ZER1: variants seen among roughly 807,000 people sequenced by gnomAD.
ZER1 encodes the protein zyg-11 related cell cycle regulator.
Under a neutral mutation model 78.8 loss-of-function variants are expected in ZER1, and 11 were observed. The ratio of observed to expected loss-of-function variants is 0.14; its 90% CI spans 0.09 to 0.23. The LOEUF (loss-of-function observed/expected upper bound fraction) is 0.23, where lower values mean the gene tolerates loss of function less well. Ranked by LOEUF, ZER1 falls within the 10% of genes least tolerant of loss-of-function variation. ZER1 has a pLI of 1.00. For synonymous variants in ZER1, 400 were observed against 407.0 expected (o/e 0.98, Z 0.21); for missense variants, 588 against 996.9 (o/e 0.59, Z 5.52).
chr9:128,761,536 C>CT (rs1343169234), intron 1 of ZER1, among the ~76,000 whole-genome samples: 154 of 1,616 alleles, frequency 0.095, no homozygotes, highest in South Asian at 0.17. Context: ...ATCCACCCGC[C>CT]TCGCCTCCCA....
chr9:128,738,848 ATTTT>A (rs71381801), intron 13 of ZER1, among the ~76,000 whole-genome samples: 8 of 58,514 alleles, frequency 1.4e-4, no homozygotes, highest in Non-Finnish European at 2.0e-4. Flanking sequence ...CACCCAGCTC[ATTTT>A]TTTTTTTTTT....
At chr9:128,742,776 A>G in intron 8 of ZER1, 31 bp from the exon 9 acceptor site, 1 of 1,569,116 alleles carries the variant, frequency 6.4e-7, no homozygotes, top group Non-Finnish European at 8.6e-7. Flanking sequence ...AGTGGGGCAC[A>G]TTCAGGGTCA....
rs546627926 is a variant in ZER1 at position 128,756,925 on chromosome 9, T to A, written c.-94-1266A>T. On this transcript the variant is annotated intron_variant, in intron 1 of 15. Coordinates refer to ENST00000291900, the MANE Select transcript of ZER1 (RefSeq NM_006336.4). ...AACTGTTATTTAAAAAAGTGAAGTC[T>A]CCTACTAGCTTCATGACTTTAGCAC... Among the ~76,000 whole-genome samples the A allele has an allele frequency of 4.6e-5, 7 of 152,306 alleles. No individual in the cohort carries two copies. In the South Asian group the frequency reaches 1.4e-3, roughly 32 times the overall value.
chr9:128,743,893 C>CTT (rs35174986), intron 8 of ZER1, among the ~76,000 whole-genome samples: 36 of 38,518 alleles, frequency 9.3e-4, no homozygotes, highest in East Asian at 2.0e-3. Flanking sequence ...ATGGCCCCTG[C>CTT]TTTTTTTTTT....
chr9:128,748,626 C>T (rs1435430747), intron 8 of ZER1, among the ~76,000 whole-genome samples: 2 of 150,858 alleles, frequency 1.3e-5, no homozygotes, highest in East Asian at 2.1e-4. Flanking sequence ...GGCTGGAGTT[C>T]GGTGGCTTGA....
chr9:128,770,219 G>A (rs1324932190), intron 1 of ZER1, among the ~76,000 whole-genome samples: 2 of 152,032 alleles, frequency 1.3e-5, no homozygotes, highest in Non-Finnish European at 2.9e-5. Context: ...CACCTCTCAG[G>A]TTCAAATAAT....
chr9:128,753,491 G>A lies in ZER1; in HGVS notation c.419C>T (p.Thr140Ile). Residue 140 changes from threonine (T) to isoleucine (I), a missense_variant, in exon 4 of 16, where the codon ACA becomes ATA. Around this residue, in one of 3 missense-constraint regions of ZER1, gnomAD observed 406 missense variants for 660.1 expected, o/e 0.62. Coordinates refer to ENST00000291900, the MANE Select transcript of ZER1 (RefSeq NM_006336.4). This position sits in a 1 kb window ranked among gnomAD's most constrained non-coding sequence, Gnocchi z 7.5. ...GTTCTCCTCCTCATAGAAAATGTTT[G>A]TACAGCCGAAGAGGCTCAAGGACAC... ...TLVSLSLFGC[T>I]NIFYEEENPG... 6.2e-7 allele frequency: 1 copy of A among 1,614,118 alleles called. No individual in the cohort carries two copies. Among genetic ancestry groups the A allele is most frequent in the South Asian group, 1.1e-5 (1 of 91,080 alleles).
At chr9:128,745,222 A>T (rs1317122458) in intron 8 of ZER1, among the ~76,000 whole-genome samples, 1 of 132,046 alleles carries the variant, frequency 7.6e-6, no homozygotes, top group Non-Finnish European at 1.6e-5. Flanking sequence ...TTTTTTTGAG[A>T]CAGTGTCTGA....
chr9:128,738,023 T>A (rs1863146666), intron 13 of ZER1, among the ~76,000 whole-genome samples: 1 of 148,490 alleles, frequency 6.7e-6, no homozygotes, highest in African/African-American at 2.5e-5. Flanking sequence ...TTCTTGTTTT[T>A]TTTATTCATT....
chr9:128,751,066 C>T lies in ZER1; in HGVS notation c.1185+56G>A. 28 of 1,534,722 alleles carry T rather than the reference C, an allele frequency of 1.8e-5. No individual in the cohort carries two copies. The highest frequency in any genetic ancestry group is 1.7e-4 in the South Asian group (14 of 80,316). ...TCTGGGGACACGGCTCAGCCAAGCC[C>T]GGCAACCTCCAGGTGGGGAGGGACA... On this transcript the variant is annotated intron_variant, in intron 7 of 15. Coordinates refer to ENST00000291900, the MANE Select transcript of ZER1 (RefSeq NM_006336.4). The surrounding 1 kb of genome is among the most constrained non-coding windows in gnomAD (Gnocchi z 5.4).
chr9:128,737,843 C>T (rs1197615332), intron 13 of ZER1, among the ~76,000 whole-genome samples: 1 of 151,560 alleles, frequency 6.6e-6, no homozygotes, highest in East Asian at 1.9e-4. Context: ...GCTGGGATTA[C>T]AGGTGCCCAC....
In ZER1 at chr9:128,751,515, G is replaced by T; in HGVS notation, c.936C>A (p.Ser312=). The change falls in exon 6 of 16, where the codon TCC becomes TCA. Residue 312 remains serine, a synonymous_variant. Coordinates refer to ENST00000291900, the MANE Select transcript of ZER1 (RefSeq NM_006336.4). This position sits in a 1 kb window ranked among gnomAD's most constrained non-coding sequence, Gnocchi z 5.4. ...CCCGGAAAGGTATGATGCTGCTCTT[G>T]GAAGGCTCAATGCTGGGGAAAGAGG... ...EEAGQTSIEP[S]KSSIIPFRAL... 6.2e-7 allele frequency: 1 copy of T among 1,613,468 alleles called. No homozygotes were observed. Among genetic ancestry groups the T allele is most frequent in the Non-Finnish European group, 8.5e-7 (1 of 1,180,008 alleles).
chr9:128,750,596 C>G lies in ZER1; in HGVS notation c.1359+20G>C. ...GTGGCTGGGCCAGAGCATGCGGGGC[C>G]GTGGCGGGTGGGGGCTCACCGTCAC... On this transcript the variant is annotated intron_variant, in intron 8 of 15. Coordinates refer to ENST00000291900, the MANE Select transcript of ZER1 (RefSeq NM_006336.4). The G allele has an allele frequency of 6.2e-7, 1 of 1,611,096 alleles. No homozygotes were observed. The highest frequency in any genetic ancestry group is 8.5e-7 in the Non-Finnish European group (1 of 1,177,720).
chr9:128,753,701 A>T lies in ZER1; in HGVS notation c.310-101T>A. ...AGGTGGGTTGGAAAGGGGGATGTGC[A>T]CAGTCACGGTGCACACTGGCTGGGC... On this transcript the variant is annotated intron_variant, in intron 3 of 15. Coordinates refer to ENST00000291900, the MANE Select transcript of ZER1 (RefSeq NM_006336.4). This position sits in a 1 kb window ranked among gnomAD's most constrained non-coding sequence, Gnocchi z 7.5. 1 of 1,560,554 alleles carries T rather than the reference A, an allele frequency of 6.4e-7. No individual in the cohort carries two copies. The highest frequency in any genetic ancestry group is 8.7e-7 in the Non-Finnish European group (1 of 1,153,700).
At chr9:128,764,056 G>A (rs933947412) in intron 1 of ZER1, among the ~76,000 whole-genome samples, 4 of 152,126 alleles carry the variant, frequency 2.6e-5, no homozygotes, top group African/African-American at 9.7e-5. Flanking sequence ...TGGTGGAGGG[G>A]AGAGAAGGGG....
rs754891938 is a variant in ZER1, at chr9:128,751,512, C to T, written c.939G>A (p.Lys313=). 6.2e-7 allele frequency: 1 copy of T among 1,613,620 alleles called. No individual in the cohort carries two copies. The highest frequency in any genetic ancestry group is 1.1e-5 in the South Asian group (1 of 91,074). The change falls in exon 6 of 16, where the codon AAG becomes AAA. Residue 313 remains lysine (K), a synonymous_variant. Transcript: ENST00000291900. This position sits in a 1 kb window ranked among gnomAD's most constrained non-coding sequence, Gnocchi z 5.4. ...GAGCCCGGAAAGGTATGATGCTGCT[C>T]TTGGAAGGCTCAATGCTGGGGAAAG... is the stretch of plus-strand genomic sequence containing the variant. ...EAGQTSIEPS[K]SSIIPFRALK... is the part of the protein sequence containing the mutation.
chr9:128,761,871 T>G (rs969317669), intron 1 of ZER1, among the ~76,000 whole-genome samples: 10 of 152,192 alleles, frequency 6.6e-5, no homozygotes, highest in African/African-American at 2.4e-4. Context: ...CCCAAAATGT[T>G]GGGATTACAG....
chr9:128,754,232 C>T lies in ZER1; in HGVS notation c.159-273G>A, dbSNP rs147194438. 9.8e-5 allele frequency among the ~76,000 whole-genome samples: 15 copies of T among 152,322 alleles called. No homozygotes were observed. The highest frequency in any genetic ancestry group is 1.9e-4 in the Non-Finnish European group (13 of 68,020). ...ATGCCTGTCACACAGCCTCCACGCACGCACACTGCAGGGGCAGCAGCCCCA... is the reference window on the plus strand; with the variant it reads ...ATGCCTGTCACACAGCCTCCACGCATGCACACTGCAGGGGCAGCAGCCCCA... On this transcript the variant is annotated intron_variant, in intron 2 of 15. Coordinates refer to ENST00000291900, the MANE Select transcript of ZER1 (RefSeq NM_006336.4). The surrounding 1 kb of genome is among the most constrained non-coding windows in gnomAD (Gnocchi z 4.3).
chr9:128,747,625 T>G (rs1306404188), intron 8 of ZER1, among the ~76,000 whole-genome samples: 1 of 152,212 alleles, frequency 6.6e-6, no homozygotes, highest in Admixed American at 6.5e-5. Flanking sequence ...GTTTTTGGTT[T>G]TGTTTTGACA....
Sources: allele counts gnomAD v4.1 joint callset (sites outside exome capture counted in the v4.1 genomes callset), GRCh38; gene constraint gnomAD v4.1.1; regional missense constraint gnomAD v4.1.1; non-coding constraint Gnocchi (gnomAD v3.1); transcripts MANE v1.5; gene names NCBI Gene and HGNC (gene_info 2026-07-23, HGNC 2026-07-21).